Variants in PTH1R observed in about 807,000 individuals in gnomAD.
The protein encoded by PTH1R is parathyroid hormone/parathyroid hormone-related peptide receptor.
Under a neutral mutation model 70.7 loss-of-function variants are expected in PTH1R, and 32 were observed. The observed-to-expected ratio is 0.45, with a 90% CI of 0.34 to 0.61. PTH1R has a LOEUF of 0.61. Among genes scored for constraint, PTH1R ranks in the 20% least tolerant of loss-of-function variants. The pLI is 0.01. For synonymous variants in PTH1R, 329 were observed against 324.8 expected, an observed-to-expected ratio of 1.01 and a Z score of -0.14; for missense variants, 626 against 792.5, an observed-to-expected ratio of 0.79 and a Z score of 2.52.
chr3:46,897,965 G>A lies in PTH1R; in HGVS notation c.424G>A (p.Gly142Ser). Reference protein sequence around the residue: ...PDYIYDFNHKGHAYRRCDRNG... With the variant: ...PDYIYDFNHKSHAYRRCDRNG... ...CTACATTTATGACTTCAATCACAAA[G>A]GTGAGGCCTGCTGGAAGGGGTGGGG... Residue 142 changes from glycine (G) to serine (S), a missense_variant and splice_region_variant, in exon 6 of 16, where the codon GGC becomes AGC. Physicochemically the swap from Gly to Ser is moderately conservative, Grantham distance 56. Coordinates refer to ENST00000449590, the MANE Select transcript of PTH1R (RefSeq NM_000316.3). 1 of 1,614,142 alleles carries A rather than the reference G, an allele frequency of 6.2e-7. No homozygotes were observed. The highest frequency in any genetic ancestry group is 2.2e-5 in the East Asian group (1 of 44,874).
At position 46,882,508 on chromosome 3, in the gene PTH1R, G is replaced by A. The variant is rs2030668959; in HGVS notation, c.-48-1004G>A. 6.6e-6 allele frequency: 1 copy of A among 150,968 alleles called. No homozygotes were observed. The highest frequency in any genetic ancestry group is 1.5e-5 in the Non-Finnish European group (1 of 67,580). The allele number at this position is 150,968 out of a possible 1,614,324, so 9.4% of individuals were successfully genotyped here. ...CCCGCGCCGAGGGGAAGTGGCCGGAGTCGGGGAGGAGCGACTCCGGGCCTG... is the reference window on the plus strand; with the variant it reads ...CCCGCGCCGAGGGGAAGTGGCCGGAATCGGGGAGGAGCGACTCCGGGCCTG... On this transcript the variant is annotated intron_variant, in intron 2 of 15. Coordinates refer to ENST00000449590, the MANE Select transcript of PTH1R (RefSeq NM_000316.3). The surrounding 1 kb of genome is among the most constrained non-coding windows in gnomAD (Gnocchi z 4.3).
chr3:46,888,477 C>T (rs1317918245), intron 3 of PTH1R, among the ~76,000 whole-genome samples: 2 of 152,176 alleles, frequency 1.3e-5, no homozygotes, highest in East Asian at 1.9e-4. Context: ...CCTGGTCCAG[C>T]CACCACATCA....
chr3:46,896,013 G>T lies in PTH1R; in HGVS notation c.313+144G>T. 2.7e-6 allele frequency: 3 copies of T among 1,107,928 alleles called. No individual in the cohort carries two copies. The highest frequency in any genetic ancestry group is 2.6e-6 in the Non-Finnish European group (2 of 762,416). 68.6% of individuals were successfully genotyped at this position (1,107,928 alleles called of 1,614,324 possible). A position where few individuals can be genotyped will look rare whatever the true frequency, so the allele number is the denominator to read the frequency against. On this transcript the variant is annotated intron_variant, in intron 5 of 15. Coordinates refer to ENST00000449590, the MANE Select transcript of PTH1R (RefSeq NM_000316.3). This position sits in a 1 kb window ranked among gnomAD's most constrained non-coding sequence, Gnocchi z 4.1. ...GCCACATCCCCAGGCAAGGGGCTGG[G>T]AGAAGACAGAGTGTAGTGGGAAGGA... is the stretch of plus-strand genomic sequence containing the variant.
chr3:46,881,193 A>ATTCC (rs2030536245), intron 2 of PTH1R, 75 bp downstream of exon 2: 1 of 152,188 alleles, frequency 6.6e-6, no homozygotes, highest in Middle Eastern at 3.1e-3. Flanking sequence ...TTCCTCCGCG[A>ATTCC]TCCTTAAAGC....
rs2031407894 is a variant in PTH1R at position 46,891,398 on chromosome 3, C to G, written c.76-2509C>G. Among the ~76,000 whole-genome samples the G allele has an allele frequency of 6.6e-6, 1 of 152,214 alleles. No individual in the cohort carries two copies. Among genetic ancestry groups the G allele is most frequent in the Admixed American group, 6.5e-5 (1 of 15,290 alleles). ...CAGTTTTCAACCCATGACTGCCTGC[C>G]TGCAGTCTAGGCCATCAGGGGTGAC... On this transcript the variant is annotated intron_variant, in intron 3 of 15. Transcript: ENST00000449590. This position sits in a 1 kb window ranked among gnomAD's most constrained non-coding sequence, Gnocchi z 4.3.
intron 2 of PTH1R, among the ~76,000 whole-genome samples, chr3:46,881,441 G>C (rs939076649): frequency 1.3e-5 from 2 of 152,200 alleles, no homozygotes; most frequent in African/African-American, 4.8e-5. Flanking sequence ...TTTGGGAGTG[G>C]GGGTGGGAAC....
At chr3:46,899,183 C>G in intron 9 of PTH1R, 120 bp from the exon 10 acceptor site, 1 of 1,368,068 alleles carries the variant, frequency 7.3e-7, no homozygotes, top group Non-Finnish European at 1.0e-6. Flanking sequence ...CGAAGCCTGC[C>G]CCTTCCTGGC....
intron 9 of PTH1R, among the ~76,000 whole-genome samples, chr3:46,899,087 C>T (rs2031953477): frequency 6.6e-6 from 1 of 152,240 alleles, no homozygotes; most frequent in Non-Finnish European, 1.5e-5. Context: ...AAGGCTCCTA[C>T]CTCAACCCAG....
At chr3:46,880,561 G>A (rs977402173) in intron 1 of PTH1R, among the ~76,000 whole-genome samples, 5 of 152,096 alleles carry the variant, frequency 3.3e-5, no homozygotes, top group South Asian at 4.1e-4. Flanking sequence ...TCAACATGGT[G>A]AAACCCCGTC....
rs1214303933 is a variant in PTH1R at position 46,879,722 on chromosome 3, G to A, written c.-105-1340G>A. Reference sequence around the variant, plus strand: ...TGACCGTGCCACTGCACTCCAGCCTGGGTGACACAGCAAGACCCTGTCTGG... The same window carrying A: ...TGACCGTGCCACTGCACTCCAGCCTAGGTGACACAGCAAGACCCTGTCTGG... On this transcript the variant is annotated intron_variant, in intron 1 of 15. Transcript: ENST00000449590. The surrounding 1 kb of genome is among the most constrained non-coding windows in gnomAD (Gnocchi z 4.7). Among the ~76,000 whole-genome samples the A allele has an allele frequency of 6.6e-6, 1 of 152,048 alleles. No homozygotes were observed. The highest frequency in any genetic ancestry group is 2.4e-5 in the African/African-American group (1 of 41,366).
intron 2 of PTH1R, among the ~76,000 whole-genome samples, chr3:46,881,519 C>A (rs1278471895): frequency 3.9e-5 from 6 of 152,122 alleles, no homozygotes; most frequent in Non-Finnish European, 8.8e-5. Flanking sequence ...CCTCGAGCCT[C>A]CGGGGTTGGG....
intron 3 of PTH1R, among the ~76,000 whole-genome samples, chr3:46,887,456 G>GAAAA (rs771034289): frequency 3.1e-5 from 2 of 63,914 alleles, no homozygotes; most frequent in Admixed American, 1.9e-4. Flanking sequence ...CCCTGTCTCT[G>GAAAA]AAAAAAAAAA....
chr3:46,888,960 G>C (rs982899623), intron 3 of PTH1R, among the ~76,000 whole-genome samples: 1 of 152,240 alleles, frequency 6.6e-6, no homozygotes, highest in Non-Finnish European at 1.5e-5. Context: ...CTGGCGAAGG[G>C]GAGGAAAAGT....
chr3:46,901,161 G>A lies in PTH1R; in HGVS notation c.1049+76G>A. The stretch of plus-strand genomic sequence containing the variant: ...TTTCTTCCAGGAAGCATGTGAGAGG[G>A]CCTCCTGTACCCTGGCCTCAAACGG... On this transcript the variant is annotated intron_variant, in intron 11 of 15. Coordinates refer to ENST00000449590, the MANE Select transcript of PTH1R (RefSeq NM_000316.3). The surrounding 1 kb of genome is among the most constrained non-coding windows in gnomAD (Gnocchi z 7.3). 6.6e-7 allele frequency: 1 copy of A among 1,507,366 alleles called. No individual in the cohort carries two copies. The highest frequency in any genetic ancestry group is 1.4e-5 in the African/African-American group (1 of 72,184). 93.4% of individuals were successfully genotyped at this position (1,507,366 alleles called of 1,614,324 possible).
chr3:46,901,988 C>G lies in PTH1R; in HGVS notation c.1211+128C>G. Reference sequence around the variant, plus strand: ...AAGGGAAAGGACCCAGCGTCTGACTCCCTGGCTGTCCTCACCCACCTGGCC... The same window carrying G: ...AAGGGAAAGGACCCAGCGTCTGACTGCCTGGCTGTCCTCACCCACCTGGCC... On this transcript the variant is annotated intron_variant, in intron 13 of 15. Coordinates refer to ENST00000449590, the MANE Select transcript of PTH1R (RefSeq NM_000316.3). The surrounding 1 kb of genome is among the most constrained non-coding windows in gnomAD (Gnocchi z 7.3). 9.3e-7 allele frequency: 1 copy of G among 1,073,564 alleles called. No homozygotes were observed. Among genetic ancestry groups the G allele is most frequent in the South Asian group, 1.3e-5 (1 of 74,590 alleles). The allele number at this position is 1,073,564 out of a possible 1,614,324, so 66.5% of individuals were successfully genotyped here.
At chr3:46,878,332 A>G (rs745349499) in intron 1 of PTH1R, among the ~76,000 whole-genome samples, 1 of 152,190 alleles carries the variant, frequency 6.6e-6, no homozygotes, top group East Asian at 1.9e-4. Context: ...TCTTGCCTCA[A>G]AAAGTTTCCA....
In PTH1R at chr3:46,902,736, C is replaced by T. The variant is rs1312445803; in HGVS notation, c.1354-13C>T. On this transcript the variant is annotated splice_polypyrimidine_tract_variant and intron_variant, in intron 14 of 15. Transcript: ENST00000449590. This position sits in a 1 kb window ranked among gnomAD's most constrained non-coding sequence, Gnocchi z 5.4. ...CCGGGGGCAGGCCTGATTCGAGACA[C>T]CCCTCTTCACAGGGATTTTTTGTCG... 3.1e-6 allele frequency: 5 copies of T among 1,613,876 alleles called. No individual in the cohort carries two copies. The African/African-American group carries it at 4.0e-5, about 13-fold the overall frequency.
In PTH1R at chr3:46,881,268, G is replaced by A. The variant is rs990664729; in HGVS notation, c.-49+150G>A. ...GTTTCCCCACTTGGTACCGGGAGGT[G>A]GTAGGTTTGGGGTCGAAGGGCCCCT... is the stretch of plus-strand genomic sequence containing the variant. On this transcript the variant is annotated intron_variant, in intron 2 of 15. Transcript: ENST00000449590. 3 of 152,316 alleles carry A rather than the reference G, an allele frequency of 2.0e-5. No individual in the cohort carries two copies. The East Asian group carries it at 5.8e-4, about 29-fold the overall frequency. 9.4% of individuals were successfully genotyped at this position (152,316 alleles called of 1,614,324 possible).
At chr3:46,900,175 G>A (rs138619746) in intron 10 of PTH1R, among the ~76,000 whole-genome samples, 1,815 of 152,238 alleles carry the variant, frequency 0.012, 19 homozygotes, top group Middle Eastern at 0.051. Flanking sequence ...AACAGCCACC[G>A]CCTCCCTGCC....
Sources: allele counts gnomAD v4.1 joint callset (sites outside exome capture counted in the v4.1 genomes callset), GRCh38; gene constraint gnomAD v4.1.1; non-coding constraint Gnocchi (gnomAD v3.1); transcripts MANE v1.5; gene names NCBI Gene and HGNC (gene_info 2026-07-23, HGNC 2026-07-21).